Variants in USP42 observed in about 807,000 individuals in gnomAD.
USP42 encodes ubiquitin specific peptidase 42.
In USP42, 23 loss-of-function variants were observed where a neutral mutation model predicts 113.0. The ratio of observed to expected loss-of-function variants is 0.20; its 90% CI spans 0.15 to 0.29. The LOEUF (loss-of-function observed/expected upper bound fraction) is 0.29. Among genes scored for constraint, USP42 ranks in the 10% least tolerant of loss-of-function variants. The pLI, the probability that USP42 is intolerant of heterozygous loss-of-function variation, is 1.00. For missense variants in USP42, 2,174 were observed against 1,779.8 expected (o/e 1.22, Z -3.99); for synonymous variants, 933 against 699.0 (o/e 1.33, Z -5.28).
chr7:6,115,648 T>C (rs1779870876), intron 3 of USP42, 125 bp downstream of exon 3: 2 of 1,206,206 alleles, frequency 1.7e-6, no homozygotes, highest in Non-Finnish European at 1.2e-6. Context: ...GTTTATTCTT[T>C]TAGAAACCAA....
chr7:6,116,418 T>C (rs866711172), intron 3 of USP42: 1 of 169,194 alleles, frequency 5.9e-6, no homozygotes. Context: ...ACATCCGTTT[T>C]TGAGGTTTTG....
At chr7:6,153,108 A>T (rs1349881135) in intron 14 of USP42, 4 of 198,464 alleles carry the variant, frequency 2.0e-5, no homozygotes, top group Non-Finnish European at 3.6e-5. Flanking sequence ...CCCCATCTCT[A>T]CTAAAAACAC....
At chr7:6,126,593 C>T (rs1780559459) in intron 3 of USP42, among the ~76,000 whole-genome samples, 1 of 152,178 alleles carries the variant, frequency 6.6e-6, no homozygotes, top group African/African-American at 2.4e-5. Context: ...CTGATAACGC[C>T]ACAGTTTCTT....
chr7:6,115,627 C>T, intron 3 of USP42, 104 bp downstream of exon 3: 1 of 1,369,598 alleles, frequency 7.3e-7, no homozygotes, highest in Non-Finnish European at 1.0e-6. Context: ...GCTATGATTA[C>T]TAAGAAGTTG....
chr7:6,153,528 C>A (rs1782195044), intron 14 of USP42, among the ~76,000 whole-genome samples: 1 of 152,118 alleles, frequency 6.6e-6, no homozygotes, highest in Non-Finnish European at 1.5e-5. Context: ...GACGAAATAG[C>A]TGCTAAATGA....
chr7:6,154,451 CCAGAGAGAG>C lies in USP42; in HGVS notation c.2901_2909del (p.Glu968_Arg970del), dbSNP rs1489529594. 6.4e-7 allele frequency: 1 copy of C among 1,565,376 alleles called. No individual in the cohort carries two copies. Among genetic ancestry groups the C allele is most frequent in the Non-Finnish European group, 8.6e-7 (1 of 1,156,558 alleles). ...GAGCGCTCGTCCAGCGGGGAGCCCG[CCAGAGAGAG>C]CAGGAGCAAGACTGAGGGCCACCGT... On this transcript the variant is annotated inframe_deletion, in exon 15 of 18. Transcript: ENST00000306177.
chr7:6,138,304 C>A (rs1418040904), intron 4 of USP42, among the ~76,000 whole-genome samples: 1 of 152,114 alleles, frequency 6.6e-6, no homozygotes, highest in Non-Finnish European at 1.5e-5. Context: ...CAATTAGAAA[C>A]AGGACTGAAA....
rs912546197 is a variant in USP42 at position 6,159,330 on chromosome 7, C to T, written c.3944-120C>T. ...TGCTCACCTCACTGGGGAGTGGCCT[C>T]AGGCGCTCACAGGGAACCGCAGTGA... On this transcript the variant is annotated intron_variant, in intron 16 of 17. Transcript: ENST00000306177. The surrounding 1 kb of genome is among the most constrained non-coding windows in gnomAD (Gnocchi z 4.1). The T allele has an allele frequency of 7.4e-7, 1 of 1,342,694 alleles. No homozygotes were observed. Among genetic ancestry groups the T allele is most frequent in the Non-Finnish European group, 1.0e-6 (1 of 953,434 alleles). 83.2% of individuals were successfully genotyped at this position (1,342,694 alleles called of 1,614,324 possible).
At chr7:6,084,140 C>T in the USP42 span, among the ~76,000 whole-genome samples, 1 of 151,248 alleles carries the variant, frequency 6.6e-6, no homozygotes, top group African/African-American at 2.5e-5. Flanking sequence ...GATTCTCCTG[C>T]CTCAGCCTCC....
intron 3 of USP42, among the ~76,000 whole-genome samples, chr7:6,128,778 G>A (rs1358551609): frequency 6.6e-6 from 1 of 152,046 alleles, no homozygotes; most frequent in Non-Finnish European, 1.5e-5. Flanking sequence ...ACTTGAAAGT[G>A]TTTTTCAAAA....
intron 1 of USP42, among the ~76,000 whole-genome samples, chr7:6,109,569 T>G (rs1299863668): frequency 1.3e-5 from 2 of 151,992 alleles, no homozygotes; most frequent in African/African-American, 4.8e-5. Flanking sequence ...AATTTTTTTA[T>G]TTTTAGTAGA....
intron 6 of USP42, among the ~76,000 whole-genome samples, chr7:6,140,450 C>T (rs1473501549): frequency 6.6e-6 from 1 of 152,108 alleles, no homozygotes; most frequent in Non-Finnish European, 1.5e-5. Context: ...CAGTCTTTTA[C>T]ATTTCAGCAC....
chr7:6,116,651 A>C (rs2128482075), intron 3 of USP42: 1 of 429,314 alleles, frequency 2.3e-6, no homozygotes, highest in South Asian at 1.8e-5. Flanking sequence ...CCAAAGAGCC[A>C]AGTAATGCTT....
rs755616172 is a variant in USP42, at chr7:6,154,419, C to A, written c.2865C>A (p.Ser955Arg). The A allele has an allele frequency of 1.3e-6, 2 of 1,575,260 alleles. No individual in the cohort carries two copies. Among genetic ancestry groups the A allele is most frequent in the African/African-American group, 1.4e-5 (1 of 73,900 alleles). ...LRKVDRGHYR[S>R]RRERSSSGEP... ...AGGTGGACCGAGGCCACTACCGCAG[C>A]CGGAGAGAGCGCTCGTCCAGCGGGG... is the stretch of plus-strand genomic sequence containing the variant. Residue 955 changes from serine to arginine, a missense_variant, in exon 15 of 18, where the codon AGC becomes AGA. By Grantham distance (110) the Ser-to-Arg change is moderately radical (BLOSUM62 -1). Transcript: ENST00000306177.
the USP42 span, among the ~76,000 whole-genome samples, chr7:6,086,685 TCCCTTTC>T: frequency 7.2e-6 from 1 of 138,746 alleles, no homozygotes; most frequent in African/African-American, 2.7e-5. Context: ...CCTTCCCCCT[TCCCTTTC>T]CCCTTTCCTT....
intron 3 of USP42, among the ~76,000 whole-genome samples, chr7:6,134,842 G>T (rs111304684): frequency 0.064 from 9,779 of 152,170 alleles, 494 homozygotes; most frequent in African/African-American, 0.13. Flanking sequence ...CTGTAGTGCA[G>T]TGGTGTGATC....
upstream of USP42, among the ~76,000 whole-genome samples, chr7:6,102,176 C>T (rs1790146780): frequency 7.0e-6 from 1 of 142,564 alleles, no homozygotes; most frequent in Non-Finnish European, 1.5e-5. Context: ...AGTGCAGTGT[C>T]GCGATCTCGG....
intron 3 of USP42, among the ~76,000 whole-genome samples, chr7:6,131,765 T>C (rs532692424): frequency 1.3e-5 from 2 of 152,180 alleles, no homozygotes; most frequent in Admixed American, 6.5e-5. Flanking sequence ...AGCATGTCTC[T>C]TTCTCTTTCT....
upstream of USP42, among the ~76,000 whole-genome samples, chr7:6,101,204 C>A (rs963951180): frequency 2.6e-5 from 4 of 150,970 alleles, no homozygotes; most frequent in African/African-American, 9.9e-5. Context: ...CAGCGAACAC[C>A]ACAGCAGCAG....
Sources: allele counts gnomAD v4.1 joint callset (sites outside exome capture counted in the v4.1 genomes callset), GRCh38; gene constraint gnomAD v4.1.1; non-coding constraint Gnocchi (gnomAD v3.1); transcripts MANE v1.5; gene names NCBI Gene and HGNC (gene_info 2026-07-23, HGNC 2026-07-21).